The following DUSP22 variants were observed in gnomAD, a reference collection of about 807,000 sequenced individuals.
DUSP22 encodes dual specificity phosphatase 22.
In DUSP22, 24 loss-of-function variants were observed where a neutral mutation model predicts 24.5. The ratio of observed to expected loss-of-function variants is 0.98; its 90% CI spans 0.71 to 1.38. DUSP22 has a LOEUF of 1.38. Among genes scored for constraint, DUSP22 ranks in the 40% most tolerant of loss-of-function variants. DUSP22 has a pLI of 0.00. For missense variants in DUSP22, 330 were observed against 269.2 expected, an observed-to-expected ratio of 1.23 and a Z score of -1.58; for synonymous variants, 160 against 106.4, an observed-to-expected ratio of 1.50 and a Z score of -3.10.
chr6:322,573 T>C (rs1758647925), intron 3 of DUSP22, among the ~76,000 whole-genome samples: 1 of 152,302 alleles, frequency 6.6e-6, no homozygotes, highest in Non-Finnish European at 1.5e-5. Flanking sequence ...GTGACGTGAA[T>C]AGCAAGTCTG....
chr6:345,791 T>G lies in DUSP22; in HGVS notation c.189-63T>G, dbSNP rs561208986. Reference sequence around the variant, plus strand: ...TTAAGAAAGAAGCCTCAGGTAGAATTTTCTTTTCATCATATATTGAGTAAA... The same window carrying G: ...TTAAGAAAGAAGCCTCAGGTAGAATGTTCTTTTCATCATATATTGAGTAAA... On this transcript the variant is annotated intron_variant, in intron 4 of 6. Coordinates refer to ENST00000419235, the MANE Select transcript of DUSP22 (RefSeq NM_001286555.3). The G allele has an allele frequency of 3.8e-5, 59 of 1,572,572 alleles. No individual in the cohort carries two copies. The East Asian group carries it at 1.2e-3, about 31-fold the overall frequency.
At chr6:335,754 G>A (rs572930262) in intron 4 of DUSP22, among the ~76,000 whole-genome samples, 3 of 152,420 alleles carry the variant, frequency 2.0e-5, no homozygotes, top group South Asian at 4.1e-4. Context: ...GCACATCTCC[G>A]TTCAGACCAG....
intron 3 of DUSP22, among the ~76,000 whole-genome samples, chr6:327,940 C>T (rs879173533): frequency 6.6e-6 from 1 of 152,300 alleles, no homozygotes; most frequent in African/African-American, 2.4e-5. Flanking sequence ...GGGTTGTGGA[C>T]AGATGCTGAA....
At chr6:298,364 A>G (rs59451118) in intron 1 of DUSP22, among the ~76,000 whole-genome samples, 1,235 of 151,956 alleles carry the variant, frequency 8.1e-3, no homozygotes, top group African/African-American at 0.029. Flanking sequence ...TTTCTGACAT[A>G]GAAAGAATTA....
At chr6:292,680 C>T (rs1328350709) in intron 1 of DUSP22, 120 bp downstream of exon 1, 3 of 1,368,902 alleles carry the variant, frequency 2.2e-6, no homozygotes, top group East Asian at 5.9e-5. Context: ...GGGACGGGCG[C>T]GGAGGGAGGG....
chr6:307,672 G>A (rs968522597), intron 2 of DUSP22, among the ~76,000 whole-genome samples: 4 of 152,304 alleles, frequency 2.6e-5, no homozygotes, highest in East Asian at 1.9e-4. Flanking sequence ...TGGCACCAGC[G>A]ACAGTAGATG....
chr6:336,806 T>C (rs1759379396), intron 4 of DUSP22, among the ~76,000 whole-genome samples: 1 of 152,306 alleles, frequency 6.6e-6, no homozygotes, highest in African/African-American at 2.4e-5. Flanking sequence ...ACTTCCTTGG[T>C]TACTAGTCGT....
intron 3 of DUSP22, among the ~76,000 whole-genome samples, chr6:324,950 G>C (rs1030499423): frequency 1.2e-4 from 18 of 152,430 alleles, no homozygotes; most frequent in East Asian, 1.2e-3. Context: ...CCTAAGGAGG[G>C]AGCTGTGTTT....
intron 2 of DUSP22, among the ~76,000 whole-genome samples, chr6:305,459 C>A (rs1757779814): frequency 6.6e-6 from 1 of 152,298 alleles, no homozygotes; most frequent in Non-Finnish European, 1.5e-5. Flanking sequence ...TTTTCAGAAG[C>A]CTGTTCTTTT....
intron 1 of DUSP22, among the ~76,000 whole-genome samples, chr6:296,803 C>T (rs1757351459): frequency 6.6e-6 from 1 of 152,300 alleles, no homozygotes; most frequent in Admixed American, 6.5e-5. Flanking sequence ...TGAAGCCTTG[C>T]ATTCTAGGGC....
At position 316,002 on chromosome 6, in the gene DUSP22, C is replaced by T. The variant is rs843808; in HGVS notation, c.138+4040C>T. ...CCCAGAGAATGAGATCCTTCTTCTG[C>T]CGTTGAATCTGGAGACATTTGACTG... On this transcript the variant is annotated intron_variant, in intron 3 of 6. Coordinates refer to ENST00000419235, the MANE Select transcript of DUSP22 (RefSeq NM_001286555.3). Among the ~76,000 whole-genome samples, 1,055 of 152,100 alleles carry T rather than the reference C, an allele frequency of 6.9e-3. 2 individuals are homozygous for T. Among genetic ancestry groups the T allele is most frequent in the Non-Finnish European group, 8.8e-3 (595 of 67,904 alleles).
At chr6:298,669 AAGGATTCTGCC>A (rs1270042222) in intron 1 of DUSP22, among the ~76,000 whole-genome samples, 1 of 152,308 alleles carries the variant, frequency 6.6e-6, no homozygotes, top group Non-Finnish European at 1.5e-5. Context: ...ATTTCTGCAG[AAGGATTCTGCC>A]TATATTGTCT....
intron 4 of DUSP22, among the ~76,000 whole-genome samples, chr6:341,188 G>A (rs1455312598): frequency 2.0e-5 from 3 of 152,306 alleles, no homozygotes; most frequent in Non-Finnish European, 2.9e-5. Context: ...AGCGTGGTCC[G>A]GTCCGTGCTT....
chr6:348,244 C>T lies in DUSP22; in HGVS notation c.405C>T (p.Leu135=), dbSNP rs1759984215. Residue 135 remains leucine (L), a synonymous_variant, in exon 6 of 7, where the codon CTC becomes CTT. Transcript: ENST00000419235. ...CCAACGTGGGCTTCCAGAGACAGCT[C>T]CAGGAGTTTGAGAAGCATGAGGTCC... is the stretch of plus-strand genomic sequence containing the variant. ...ANPNVGFQRQ[L]QEFEKHEVHQ... The T allele has an allele frequency of 1.9e-6, 3 of 1,614,196 alleles. No homozygotes were observed. The highest frequency in any genetic ancestry group is 2.2e-5 in the East Asian group (1 of 44,908).
At chr6:331,330 T>C (rs1323191239) in intron 3 of DUSP22, among the ~76,000 whole-genome samples, 1 of 152,310 alleles carries the variant, frequency 6.6e-6, no homozygotes, top group South Asian at 2.1e-4. Flanking sequence ...AGAGGTAGTA[T>C]GAGGGAGTGA....
chr6:327,492 A>G (rs944226784), intron 3 of DUSP22, among the ~76,000 whole-genome samples: 3 of 152,308 alleles, frequency 2.0e-5, no homozygotes, highest in African/African-American at 4.8e-5. Flanking sequence ...TCCTTTCTTC[A>G]TTTGGAACCG....
intron 6 of DUSP22, chr6:348,525 T>G (rs1488455724): frequency 1.4e-5 from 12 of 854,664 alleles, no homozygotes; most frequent in Non-Finnish European, 2.0e-5. Context: ...TTTCTCTCCC[T>G]TTGGGTGACG....
chr6:296,898 G>T (rs1757358618), intron 1 of DUSP22, among the ~76,000 whole-genome samples: 1 of 152,308 alleles, frequency 6.6e-6, no homozygotes, highest in Admixed American at 6.5e-5. Flanking sequence ...GGCCTGCCTG[G>T]TCTTGTGGCC....
chr6:350,959 A>G lies in DUSP22; in HGVS notation c.*2008A>G, dbSNP rs1760182436. On this transcript the variant is annotated 3_prime_UTR_variant, in exon 7 of 7. Coordinates refer to ENST00000419235, the MANE Select transcript of DUSP22 (RefSeq NM_001286555.3). ...GCAACATAGAGTTTAAGTATCCAGT[A>G]GTGATTTGTAAACTTGTTTTTCATT... is the stretch of plus-strand genomic sequence containing the variant. The G allele has an allele frequency of 6.5e-7, 1 of 1,549,440 alleles. No homozygotes were observed. Among genetic ancestry groups the G allele is most frequent in the Non-Finnish European group, 8.9e-7 (1 of 1,126,948 alleles).
Sources: gnomAD v4.1 joint callset for allele counts (sites outside exome capture counted in the v4.1 genomes callset) on GRCh38, gnomAD v4.1.1 for gene constraint, MANE v1.5 for transcripts, NCBI Gene and HGNC (gene_info 2026-07-23, HGNC 2026-07-21) for gene names.